The following PHACTR3 variants were observed in gnomAD, a reference collection of about 807,000 sequenced individuals.
PHACTR3 encodes the protein protein phosphatase 1, regulatory subunit 123.
In PHACTR3, 16 loss-of-function variants were observed where a neutral mutation model predicts 66.8. The observed-to-expected ratio is 0.24, with a 90% CI of 0.16 to 0.36. The LOEUF is 0.36. Ranked by LOEUF, PHACTR3 falls within the 10% of genes least tolerant of loss-of-function variation. The probability of loss-of-function intolerance (pLI) is 1.00; values close to 1 mark genes in which losing one functional copy is unlikely to be tolerated. For synonymous variants in PHACTR3, 323 were observed against 292.1 expected (o/e 1.11, Z -1.08); for missense variants, 647 against 719.9 (o/e 0.90, Z 1.16).
At chr20:59,808,887 G>A (rs1369585098) in intron 8 of PHACTR3, among the ~76,000 whole-genome samples, 1 of 152,150 alleles carries the variant, frequency 6.6e-6, no homozygotes, top group African/African-American at 2.4e-5. Context: ...CGTCCCGTGT[G>A]TGTAGTGTGT....
intron 3 of PHACTR3, among the ~76,000 whole-genome samples, chr20:59,748,162 A>C (rs7268463): frequency 0.054 from 8,256 of 152,178 alleles, 347 homozygotes; most frequent in African/African-American, 0.12. Context: ...TGGTTTTTTC[A>C]GCATTAATTT....
intron 1 of PHACTR3, among the ~76,000 whole-genome samples, chr20:59,612,303 C>T (rs780871137): frequency 1.2e-4 from 18 of 151,234 alleles, no homozygotes; most frequent in African/African-American, 4.9e-5. Context: ...CCTGCTGGGG[C>T]GGAGCTGCTT....
At chr20:59,640,574 C>T (rs2035068065) in intron 1 of PHACTR3, among the ~76,000 whole-genome samples, 1 of 152,144 alleles carries the variant, frequency 6.6e-6, no homozygotes, top group African/African-American at 2.4e-5. Context: ...CAGCCCTGCT[C>T]ATTATGATGA....
intron 8 of PHACTR3, among the ~76,000 whole-genome samples, chr20:59,810,504 G>A (rs2041703462): frequency 6.6e-6 from 1 of 152,208 alleles, no homozygotes. Context: ...GTCTCCCTTT[G>A]TCTCTGCTCT....
At chr20:59,813,102 C>T (rs577551619) in intron 8 of PHACTR3, among the ~76,000 whole-genome samples, 20 of 152,318 alleles carry the variant, frequency 1.3e-4, no homozygotes, top group South Asian at 6.2e-4. Flanking sequence ...TTATGGTCCA[C>T]GTTCACTGGG....
chr20:59,603,238 C>T (rs1302901828), upstream of PHACTR3, among the ~76,000 whole-genome samples: 1 of 152,152 alleles, frequency 6.6e-6, no homozygotes, highest in Non-Finnish European at 1.5e-5. Context: ...TTCACCCTCC[C>T]CCTTTCCCGG....
At position 59,604,713 on chromosome 20, in the gene PHACTR3, T is replaced by G; in HGVS notation, c.-302T>G. 9.5e-7 allele frequency: 1 copy of G among 1,051,802 alleles called. No homozygotes were observed. The allele number at this position is 1,051,802 out of a possible 1,614,324, so 65.2% of individuals were successfully genotyped here. On this transcript the variant is annotated 5_prime_UTR_variant, in exon 1 of 13. Transcript: ENST00000371015. The stretch of plus-strand genomic sequence containing the variant: ...TTTTTATTTCCTGGTTCAACTTTTT[T>G]TTTTTTCCCTGGAATATAGACTGAA...
chr20:59,643,562 C>T (rs912846862), intron 1 of PHACTR3, among the ~76,000 whole-genome samples: 2 of 152,196 alleles, frequency 1.3e-5, no homozygotes, highest in African/African-American at 2.4e-5. Flanking sequence ...GACATTTGCT[C>T]GTTCTTCACA....
At chr20:59,614,373 G>A (rs2033957427) in intron 1 of PHACTR3, among the ~76,000 whole-genome samples, 1 of 152,234 alleles carries the variant, frequency 6.6e-6, no homozygotes, top group South Asian at 2.1e-4. Context: ...TTGAAAGTCA[G>A]GCAAGGCGAT....
chr20:59,791,115 A>T (rs2041079715), intron 7 of PHACTR3, among the ~76,000 whole-genome samples: 1 of 152,132 alleles, frequency 6.6e-6, no homozygotes. Flanking sequence ...GTTGAAATTT[A>T]ATTGCCATTA....
chr20:59,796,219 C>T (rs1025867173), intron 7 of PHACTR3, among the ~76,000 whole-genome samples: 3 of 152,022 alleles, frequency 2.0e-5, no homozygotes, highest in Admixed American at 6.6e-5. Context: ...TAACTCTGGT[C>T]ACATACAAAT....
At chr20:59,693,834 G>A (rs571589736) in intron 1 of PHACTR3, among the ~76,000 whole-genome samples, 12 of 152,178 alleles carry the variant, frequency 7.9e-5, no homozygotes, top group Non-Finnish European at 1.6e-4. Context: ...TGTTCACATG[G>A]TGGAGGCAGA....
intron 1 of PHACTR3, among the ~76,000 whole-genome samples, chr20:59,607,792 A>G (rs934246010): frequency 6.6e-6 from 1 of 152,122 alleles, no homozygotes; most frequent in African/African-American, 2.4e-5. Context: ...TGCAATATCC[A>G]TCTCCCTTTC....
chr20:59,636,577 G>T (rs1158212141), intron 1 of PHACTR3, among the ~76,000 whole-genome samples: 1 of 152,154 alleles, frequency 6.6e-6, no homozygotes, highest in African/African-American at 2.4e-5. Flanking sequence ...TCGGGGCTCT[G>T]CTTACTGGCT....
intron 1 of PHACTR3, among the ~76,000 whole-genome samples, chr20:59,590,476 C>G (rs185171388): frequency 6.6e-6 from 1 of 152,336 alleles, no homozygotes; most frequent in Admixed American, 6.5e-5. Context: ...TGTTTCACCA[C>G]ATCTTCACCA....
intron 1 of PHACTR3, among the ~76,000 whole-genome samples, chr20:59,616,860 T>G (rs1190206482): frequency 6.6e-6 from 1 of 152,124 alleles, no homozygotes; most frequent in Non-Finnish European, 1.5e-5. Flanking sequence ...TTTTTTTTAA[T>G]GGGAAGGGTG....
intron 1 of PHACTR3, among the ~76,000 whole-genome samples, chr20:59,640,984 C>A (rs538677876): frequency 1.3e-5 from 2 of 152,056 alleles, no homozygotes; most frequent in African/African-American, 2.4e-5. Flanking sequence ...ATATGCACAT[C>A]TATATAAATA....
chr20:59,666,803 C>T (rs530026665), intron 1 of PHACTR3, among the ~76,000 whole-genome samples: 4 of 152,322 alleles, frequency 2.6e-5, no homozygotes, highest in Non-Finnish European at 5.9e-5. Flanking sequence ...GCAGGGCAGG[C>T]TCGCGGTCCA....
chr20:59,633,024 G>T (rs936511076), intron 1 of PHACTR3, among the ~76,000 whole-genome samples: 4 of 152,162 alleles, frequency 2.6e-5, no homozygotes, highest in African/African-American at 9.7e-5. Flanking sequence ...GTGCACGGGG[G>T]CAGGAAGGAG....
Sources: allele counts gnomAD v4.1 joint callset (sites outside exome capture counted in the v4.1 genomes callset), GRCh38; gene constraint gnomAD v4.1.1; transcripts MANE v1.5; gene names NCBI Gene and HGNC (gene_info 2026-07-23, HGNC 2026-07-21).